STOX2: variants seen among roughly 807,000 people sequenced by gnomAD.
STOX2 encodes storkhead-box protein 2.
A neutral mutation model predicts 60.9 loss-of-function variants in STOX2; 28 were observed. The ratio of observed to expected loss-of-function variants is 0.46; its 90% confidence interval spans 0.34 to 0.63. STOX2 has a LOEUF of 0.63. Among genes scored for constraint, STOX2 ranks in the 30% least tolerant of loss-of-function variants. The probability of loss-of-function intolerance (pLI) is 0.01; values close to 1 mark genes in which losing one functional copy is unlikely to be tolerated. For missense variants in STOX2, 1,024 were observed against 1,187.7 expected (o/e 0.86, Z 2.03); for synonymous variants, 472 against 463.9 (o/e 1.02, Z -0.22).
At chr4:183,966,291 G>C (rs970270953) in intron 1 of STOX2, among the ~76,000 whole-genome samples, 1 of 152,202 alleles carries the variant, frequency 6.6e-6, no homozygotes, top group Non-Finnish European at 1.5e-5. Flanking sequence ...GCCAGCAGAG[G>C]AAACAGTTAT....
chr4:183,937,501 T>C lies in STOX2; in HGVS notation c.166+30545T>C, dbSNP rs150918119. Among the ~76,000 whole-genome samples the C allele has an allele frequency of 3.6e-3, 543 of 152,322 alleles. 15 individuals are homozygous for C. The highest frequency in any genetic ancestry group is 0.024 in the Admixed American group (373 of 15,300). On this transcript the variant is annotated intron_variant, in intron 1 of 3. Transcript: ENST00000308497. ...GGGAGGTCAGTGTTCGTTTTAGAGC[T>C]GCTCAGAGTGGGGTCGGCAGACAGG...
rs763359872 is a variant in STOX2, at chr4:183,970,173, TGTGTGTGTGG to T, written c.167-31150_167-31141del. Among the ~76,000 whole-genome samples, 1,002 of 150,532 alleles carry T rather than the reference TGTGTGTGTGG, an allele frequency of 6.7e-3. 7 individuals carry two copies. Among genetic ancestry groups the T allele is most frequent in the African/African-American group, 0.014 (551 of 40,686 alleles). On this transcript the variant is annotated intron_variant, in intron 1 of 3. Transcript: ENST00000308497. Reference sequence around the variant, plus strand: ...GTGTGTGTGTGTGTGTGTGTGTGTGTGTGTGTGTGGGGTTCCAGCTGAATTTTCTGTCCCG... The same window carrying T: ...GTGTGTGTGTGTGTGTGTGTGTGTGTGGTTCCAGCTGAATTTTCTGTCCCG...
Position 183,874,976 on chromosome 4 carries a change from T to A in STOX2, c.364+76921T>A, listed in dbSNP as rs867541043. Reference sequence around the variant, plus strand: ...AAATATATATATATATATATATATATATATATATATATATATAAAACTTAG... The same window carrying A: ...AAATATATATATATATATATATATAAATATATATATATATATAAAACTTAG... On this transcript the variant is annotated intron_variant, in intron 1 of 2. Coordinates refer to the STOX2 transcript ENST00000513034. Among the ~76,000 whole-genome samples, 13 of 97,006 alleles carry A rather than the reference T, an allele frequency of 1.3e-4. No individual in the cohort carries two copies. In the South Asian group the frequency reaches 3.2e-3, roughly 24 times the overall value. The allele number at this position is 97,006 out of a possible 152,430, so 63.6% of individuals were successfully genotyped here.
At position 183,807,065 on chromosome 4, in the gene STOX2, C is replaced by T. The variant is rs189317464; in HGVS notation, c.364+9010C>T. Among the ~76,000 whole-genome samples, 1,042 of 152,178 alleles carry T rather than the reference C, an allele frequency of 6.8e-3. 12 individuals carry two copies. Among genetic ancestry groups the T allele is most frequent in the African/African-American group, 0.023 (957 of 41,520 alleles). ...TCGGCTCACTGCAAGCTCCGTCTCC[C>T]GGGTTCACGCCATTCTCCTGCTTCA... On this transcript the variant is annotated intron_variant, in intron 1 of 2. Coordinates refer to the STOX2 transcript ENST00000513034.
Position 183,926,796 on chromosome 4 carries a change from A to G in STOX2, c.166+19840A>G, listed in dbSNP as rs998899324. Among the ~76,000 whole-genome samples, 7 of 151,828 alleles carry G rather than the reference A, an allele frequency of 4.6e-5. No individual in the cohort carries two copies. In the East Asian group the frequency reaches 1.4e-3, roughly 30 times the overall value. On this transcript the variant is annotated intron_variant, in intron 1 of 3. Coordinates refer to ENST00000308497, the MANE Select transcript of STOX2 (RefSeq NM_020225.3). Reference sequence around the variant, plus strand: ...GCCACCATGCCTGGCTAATTTTTGTATTTTTAGTAGAGACGGGGTTTCGCC... The same window carrying G: ...GCCACCATGCCTGGCTAATTTTTGTGTTTTTAGTAGAGACGGGGTTTCGCC...
At chr4:183,952,189 A>G (rs574967573) in intron 1 of STOX2, among the ~76,000 whole-genome samples, 13 of 152,312 alleles carry the variant, frequency 8.5e-5, no homozygotes, top group African/African-American at 3.1e-4. Context: ...CAAAACAGGG[A>G]AACTGCTGCA....
chr4:183,970,175 T>TGG (rs774538290), intron 1 of STOX2, among the ~76,000 whole-genome samples: 11 of 148,752 alleles, frequency 7.4e-5, no homozygotes, highest in African/African-American at 2.5e-4. Context: ...TGTGTGTGTG[T>TGG]GTGTGTGGGG....
At chr4:183,853,317 C>T (rs1046412587) in intron 1 of STOX2, 10 of 152,296 alleles carry the variant, frequency 6.6e-5, no homozygotes, top group East Asian at 1.9e-4. Flanking sequence ...GGCCCAGCCC[C>T]GTGGGTCCTT....
In STOX2 at chr4:184,021,442, A is replaced by AT. The variant is rs1432340995; in HGVS notation, c.*4160dup. ...CATCTTGACACTTTTGTCCATTTTCATTAAAAAAAAAAAAGTTCAGGGTGT... is the reference window on the plus strand; with the variant it reads ...CATCTTGACACTTTTGTCCATTTTCATTTAAAAAAAAAAAAGTTCAGGGTGT... On this transcript the variant is annotated 3_prime_UTR_variant, in exon 4 of 4. Transcript: ENST00000308497. 1 of 72,832 alleles carries AT rather than the reference A, an allele frequency of 1.4e-5. No homozygotes were observed. Among genetic ancestry groups the AT allele is most frequent in the African/African-American group, 5.3e-5 (1 of 18,824 alleles). 4.5% of individuals were successfully genotyped at this position (72,832 alleles called of 1,614,324 possible). A position where few individuals can be genotyped will look rare whatever the true frequency, so the allele number is the denominator to read the frequency against.
At position 184,011,355 on chromosome 4, in the gene STOX2, C is replaced by T. The variant is rs1241100647; in HGVS notation, c.2517C>T (p.Thr839=). Residue 839 remains threonine (T), a synonymous_variant, in exon 3 of 4, where the codon ACC becomes ACT. Coordinates refer to ENST00000308497, the MANE Select transcript of STOX2 (RefSeq NM_020225.3). This position sits in a 1 kb window ranked among gnomAD's most constrained non-coding sequence, Gnocchi z 4.4. ...ACAGCAGCAGCAACCAGAGAGCCAC[C>T]CATTCAGCCCGGCTCGACAGCATGG... ...ETDSSSNQRA[T]HSARLDSMDS... 2 of 1,613,812 alleles carry T rather than the reference C, an allele frequency of 1.2e-6. No individual in the cohort carries two copies. The highest frequency in any genetic ancestry group is 2.7e-5 in the African/African-American group (2 of 74,902).
chr4:184,010,326 C>T lies in STOX2; in HGVS notation c.1488C>T (p.Asn496=). 6.2e-7 allele frequency: 1 copy of T among 1,607,240 alleles called. No individual in the cohort carries two copies. The highest frequency in any genetic ancestry group is 8.5e-7 in the Non-Finnish European group (1 of 1,176,880). ...KAKERSRSMD[N]SKGPLGASSL... ...AGGAGAGATCCAGGTCGATGGATAA[C>T]TCCAAAGGCCCTCTGGGTGCTTCTT... The change falls in exon 3 of 4, where the codon AAC becomes AAT. Residue 496 remains asparagine (N), a synonymous_variant. Coordinates refer to ENST00000308497, the MANE Select transcript of STOX2 (RefSeq NM_020225.3). This position sits in a 1 kb window ranked among gnomAD's most constrained non-coding sequence, Gnocchi z 4.5.
rs766720480 is a variant in STOX2, at chr4:184,011,331, C to T, written c.2493C>T (p.Asp831=). 9.9e-6 allele frequency: 16 copies of T among 1,613,902 alleles called. No individual in the cohort carries two copies. Among genetic ancestry groups the T allele is most frequent in the Non-Finnish European group, 1.4e-5 (16 of 1,179,910 alleles). Residue 831 remains aspartate, a synonymous_variant, in exon 3 of 4, where the codon GAC becomes GAT. Coordinates refer to ENST00000308497, the MANE Select transcript of STOX2 (RefSeq NM_020225.3). The surrounding 1 kb of genome is among the most constrained non-coding windows in gnomAD (Gnocchi z 4.4). Reference sequence around the variant, plus strand: ...CCCTTCTTGCTCCAAAAGAAACCGACAGCAGCAGCAACCAGAGAGCCACCC... The same window carrying T: ...CCCTTCTTGCTCCAAAAGAAACCGATAGCAGCAGCAACCAGAGAGCCACCC... The part of the protein sequence containing the change: ...NLTLLAPKET[D]SSSNQRATHS...
chr4:184,005,070 G>C (rs1022868852), intron 2 of STOX2, among the ~76,000 whole-genome samples: 1 of 152,230 alleles, frequency 6.6e-6, no homozygotes, highest in African/African-American at 2.4e-5. Flanking sequence ...ATAATCTAAA[G>C]ATGCTCATTA....
intron 1 of STOX2, among the ~76,000 whole-genome samples, chr4:183,922,788 C>G (rs1021981645): frequency 6.6e-6 from 1 of 152,176 alleles, no homozygotes; most frequent in Non-Finnish European, 1.5e-5. Context: ...CACACTAACT[C>G]TCGGTCCTCC....
chr4:183,971,070 T>G (rs1257997970), intron 1 of STOX2, among the ~76,000 whole-genome samples: 3 of 152,212 alleles, frequency 2.0e-5, no homozygotes, highest in African/African-American at 7.2e-5. Flanking sequence ...ACTGTCAAGA[T>G]GTAATATCTG....
In STOX2 at chr4:183,948,310, A is replaced by C. The variant is rs149586575; in HGVS notation, c.166+41354A>C. 3.4e-3 allele frequency among the ~76,000 whole-genome samples: 516 copies of C among 151,492 alleles called. 16 individuals are homozygous for C. Among genetic ancestry groups the C allele is most frequent in the South Asian group, 0.025 (118 of 4,786 alleles). The stretch of plus-strand genomic sequence containing the variant: ...AGGCTTATTTCCTTTCAAAAAGAAG[A>C]AGCCAATAGAGAATCAATTTTTAGG... On this transcript the variant is annotated intron_variant, in intron 1 of 3. Coordinates refer to ENST00000308497, the MANE Select transcript of STOX2 (RefSeq NM_020225.3).
chr4:183,850,419 G>A (rs1383441551), intron 1 of STOX2, among the ~76,000 whole-genome samples: 1 of 152,022 alleles, frequency 6.6e-6, no homozygotes, highest in Non-Finnish European at 1.5e-5. Context: ...TGATACTTAT[G>A]AGATTTCTTT....
chr4:183,964,008 C>T (rs1743490328), intron 1 of STOX2, among the ~76,000 whole-genome samples: 1 of 152,046 alleles, frequency 6.6e-6, no homozygotes, highest in Non-Finnish European at 1.5e-5. Flanking sequence ...ATCTCCTGAC[C>T]TCGTCATCTG....
chr4:183,833,981 CAAAAA>C (rs70959149), intron 1 of STOX2, among the ~76,000 whole-genome samples: 1 of 79,846 alleles, frequency 1.3e-5, no homozygotes, highest in African/African-American at 4.9e-5. Flanking sequence ...GACTCCGTCT[CAAAAA>C]AAAAAAAAAA....
Sources: gnomAD v4.1 joint callset for allele counts (sites outside exome capture counted in the v4.1 genomes callset) on GRCh38, gnomAD v4.1.1 for gene constraint, Gnocchi (gnomAD v3.1) non-coding constraint, MANE v1.5 for transcripts, NCBI Gene and HGNC (gene_info 2026-07-23, HGNC 2026-07-21) for gene names.